TMX4: variants seen among roughly 807,000 people sequenced by gnomAD.
The protein encoded by TMX4 is thioredoxin related transmembrane protein 4, also known as thioredoxin-related transmembrane protein 4.
In TMX4, 23 loss-of-function variants were observed where a neutral mutation model predicts 33.3. The observed-to-expected ratio is 0.69, with a 90% CI of 0.50 to 0.98. The LOEUF is 0.98. Ranked by LOEUF, TMX4 falls within the 50% of genes least tolerant of loss-of-function variation. TMX4 has a pLI of 0.00. For missense variants in TMX4, 399 were observed against 448.9 expected (o/e 0.89, Z 1.01); for synonymous variants, 164 against 161.5 (o/e 1.02, Z -0.12).
At chr20:8,005,206 G>C (rs79973475) in intron 2 of TMX4, among the ~76,000 whole-genome samples, 1,948 of 151,524 alleles carry the variant, frequency 0.013, 49 homozygotes, top group African/African-American at 0.045. Flanking sequence ...TCACTCAAGG[G>C]TGATGAGCAG....
rs532251291 is a variant in TMX4, at chr20:8,005,115, AT to A, written c.293-3575del. On this transcript the variant is annotated intron_variant, in intron 2 of 7. Coordinates refer to ENST00000246024, the MANE Select transcript of TMX4 (RefSeq NM_021156.4). ...TACAGTAAACTAAATTGGCTTCTGCATTAATCAGTAGTTTTAAAGACAATGC... is the reference window on the plus strand; with the variant it reads ...TACAGTAAACTAAATTGGCTTCTGCATAATCAGTAGTTTTAAAGACAATGC... Among the ~76,000 whole-genome samples, 11 of 152,352 alleles carry A rather than the reference AT, an allele frequency of 7.2e-5. 1 individual carries two copies. The South Asian group carries it at 2.3e-3, about 32-fold the overall frequency.
intron 7 of TMX4, among the ~76,000 whole-genome samples, chr20:7,983,243 T>C (rs1482919651): frequency 6.6e-6 from 1 of 152,224 alleles, no homozygotes; most frequent in Non-Finnish European, 1.5e-5. Flanking sequence ...AAATTATCAA[T>C]GGAAGTCTCA....
intron 2 of TMX4, among the ~76,000 whole-genome samples, chr20:8,002,556 G>A (rs1371536625): frequency 6.6e-6 from 1 of 152,142 alleles, no homozygotes; most frequent in Non-Finnish European, 1.5e-5. Context: ...TGGCCAACAT[G>A]GAAAAATGAC....
rs939647631 is a variant in TMX4 at position 8,010,664 on chromosome 20, A to C, written c.177-349T>G. Among the ~76,000 whole-genome samples the C allele has an allele frequency of 3.3e-4, 50 of 152,152 alleles. 1 individual carries two copies. The highest frequency in any genetic ancestry group is 1.1e-3 in the African/African-American group (47 of 41,450). Reference sequence around the variant, plus strand: ...GCTCTTTTTAGTGCCCCACTAAAGGAGAACAATTTTCACAGGGTGACCCTA... The same window carrying C: ...GCTCTTTTTAGTGCCCCACTAAAGGCGAACAATTTTCACAGGGTGACCCTA... On this transcript the variant is annotated intron_variant, in intron 1 of 7. Coordinates refer to ENST00000246024, the MANE Select transcript of TMX4 (RefSeq NM_021156.4).
chr20:8,001,373 C>T, intron 3 of TMX4, 123 bp downstream of exon 3: 1 of 1,020,588 alleles, frequency 9.8e-7, no homozygotes, highest in Non-Finnish European at 1.5e-6. Flanking sequence ...TCAGAGCACA[C>T]CAGCCTTGTT....
At chr20:8,019,277 G>A in intron 1 of TMX4, 161 bp downstream of exon 1, 1 of 846,178 alleles carries the variant, frequency 1.2e-6, no homozygotes, top group Non-Finnish European at 1.7e-6. Context: ...GTGCAGGATC[G>A]CAAGCGGCCC....
chr20:7,996,687 T>A (rs1386008294), intron 4 of TMX4, among the ~76,000 whole-genome samples: 1 of 152,186 alleles, frequency 6.6e-6, no homozygotes, highest in Non-Finnish European at 1.5e-5. Flanking sequence ...CTATCCATTT[T>A]GTCTTATTAG....
At chr20:7,991,343 T>C (rs1443348932) in intron 5 of TMX4, among the ~76,000 whole-genome samples, 2 of 152,268 alleles carry the variant, frequency 1.3e-5, no homozygotes, top group Admixed American at 6.5e-5. Flanking sequence ...TACATTTAAA[T>C]GCTAAACTTA....
Position 8,001,507 on chromosome 20 carries a change from TG to T in TMX4, c.326del (p.Pro109GlnfsTer28). The T allele has an allele frequency of 6.3e-7, 1 of 1,599,084 alleles. No homozygotes were observed. Reference sequence around the variant, plus strand: ...TTATTTAAACTTACTGAAAAAATGCTGGGAGAGTGGTGACAAAGAAGCGGCC... The same window carrying T: ...TTATTTAAACTTACTGAAAAAATGCTGGAGAGTGGTGACAAAGAAGCGGCC... ...LSGRFFVTTLPAFFHAKDGIF... is the reference protein window; with the variant it reads ...LSGRFFVTTLXAFFHAKDGIF... On this transcript the variant is annotated frameshift_variant, in exon 3 of 8. Coordinates refer to ENST00000246024, the MANE Select transcript of TMX4 (RefSeq NM_021156.4). LOFTEE classifies it high-confidence loss of function.
At position 7,981,218 on chromosome 20, in the gene TMX4, T is replaced by C. The variant is rs2050604386; in HGVS notation, c.*1033A>G. 1 of 152,164 alleles carries C rather than the reference T, an allele frequency of 6.6e-6. No individual in the cohort carries two copies. The highest frequency in any genetic ancestry group is 1.5e-5 in the Non-Finnish European group (1 of 68,024). 9.4% of individuals were successfully genotyped at this position (152,164 alleles called of 1,614,324 possible). A position where few individuals can be genotyped will look rare whatever the true frequency, so the allele number is the denominator to read the frequency against. The stretch of plus-strand genomic sequence containing the variant: ...CATTAATTCTTTCACCAAAAGCACA[T>C]CACTGAAGGAAAATCAGAAGTGGTT... On this transcript the variant is annotated 3_prime_UTR_variant, in exon 8 of 8. Coordinates refer to ENST00000246024, the MANE Select transcript of TMX4 (RefSeq NM_021156.4).
chr20:7,997,077 G>A (rs1030467074), intron 4 of TMX4, among the ~76,000 whole-genome samples: 1 of 152,038 alleles, frequency 6.6e-6, no homozygotes. Flanking sequence ...TTGGCTTCTG[G>A]AAAATGGCAG....
At chr20:7,995,313 C>T (rs2122862382) in intron 5 of TMX4, among the ~76,000 whole-genome samples, 1 of 152,210 alleles carries the variant, frequency 6.6e-6, no homozygotes, top group Admixed American at 6.5e-5. Context: ...CCATTTTGTT[C>T]AATCTGGTTG....
chr20:8,002,025 A>C (rs1245741366), intron 2 of TMX4, among the ~76,000 whole-genome samples: 1 of 152,230 alleles, frequency 6.6e-6, no homozygotes, highest in African/African-American at 2.4e-5. Flanking sequence ...CAGTTTAAAA[A>C]GAATAAGTAA....
rs2050599028 is a variant in TMX4, at chr20:7,980,178, A to T, written c.*2073T>A. On this transcript the variant is annotated 3_prime_UTR_variant, in exon 8 of 8. Coordinates refer to ENST00000246024, the MANE Select transcript of TMX4 (RefSeq NM_021156.4). ...TTGGAAATTGGCTTTACATTTTTAA[A>T]AGCCAGTGTAGACTGTATTTCTGCC... 1 of 152,194 alleles carries T rather than the reference A, an allele frequency of 6.6e-6. No individual in the cohort carries two copies. Among genetic ancestry groups the T allele is most frequent in the South Asian group, 2.1e-4 (1 of 4,830 alleles). The allele number at this position is 152,194 out of a possible 1,614,324, so 9.4% of individuals were successfully genotyped here. A position where few individuals can be genotyped will look rare whatever the true frequency, so the allele number is the denominator to read the frequency against.
chr20:8,012,175 T>C (rs6133525), intron 1 of TMX4, among the ~76,000 whole-genome samples: 11,469 of 152,142 alleles, frequency 0.075, 1,011 homozygotes, highest in East Asian at 0.53. Flanking sequence ...AGAGTTCTGC[T>C]ATAACAATCA....
rs770218785 is a variant in TMX4, at chr20:7,982,248, A to C, written c.*3T>G. 6.2e-7 allele frequency: 1 copy of C among 1,608,844 alleles called. No individual in the cohort carries two copies. Among genetic ancestry groups the C allele is most frequent in the Admixed American group, 1.7e-5 (1 of 59,736 alleles). Reference sequence around the variant, plus strand: ...GTGTATTCTTGAAAACGCATCATTAAATCTACAGTCCCTTGTCAGCATGCT... The same window carrying C: ...GTGTATTCTTGAAAACGCATCATTACATCTACAGTCCCTTGTCAGCATGCT... On this transcript the variant is annotated 3_prime_UTR_variant, in exon 8 of 8. Coordinates refer to ENST00000246024, the MANE Select transcript of TMX4 (RefSeq NM_021156.4).
intron 3 of TMX4, 76 bp from the exon 4 acceptor site, chr20:7,999,936 T>G (rs911553343): frequency 4.1e-6 from 6 of 1,470,608 alleles, no homozygotes; most frequent in Non-Finnish European, 3.7e-6. Flanking sequence ...TTAAAATAGC[T>G]ACTGGTGATA....
intron 1 of TMX4, among the ~76,000 whole-genome samples, chr20:8,017,535 G>A (rs1325427412): frequency 6.6e-6 from 1 of 152,080 alleles, no homozygotes; most frequent in African/African-American, 2.4e-5. Context: ...AGGCTTTAGT[G>A]TTCTTAATTC....
chr20:8,002,663 T>C (rs993596084), intron 2 of TMX4, among the ~76,000 whole-genome samples: 1 of 152,188 alleles, frequency 6.6e-6, no homozygotes, highest in African/African-American at 2.4e-5. Context: ...GTTGCTCAAA[T>C]CACACATCCC....
Sources: gnomAD v4.1 joint callset for allele counts (sites outside exome capture counted in the v4.1 genomes callset) on GRCh38, gnomAD v4.1.1 for gene constraint, MANE v1.5 for transcripts, NCBI Gene and HGNC (gene_info 2026-07-23, HGNC 2026-07-21) for gene names.